The following CREB5 variants were observed in gnomAD, a reference collection of about 807,000 sequenced individuals.
The protein encoded by CREB5 is cyclic AMP-responsive element-binding protein 5.
In CREB5, 19 loss-of-function variants were observed where a neutral mutation model predicts 57.1. The ratio of observed to expected loss-of-function variants is 0.33; its 90% CI spans 0.23 to 0.49. The LOEUF (loss-of-function observed/expected upper bound fraction) is 0.49, where lower values mean the gene tolerates loss of function less well. Among genes scored for constraint, CREB5 ranks in the 20% least tolerant of loss-of-function variants. The probability of loss-of-function intolerance (pLI) is 0.99; values close to 1 mark genes in which losing one functional copy is unlikely to be tolerated. For synonymous variants in CREB5, 238 were observed against 238.3 expected, an observed-to-expected ratio of 1.00 and a Z score of 0.01; for missense variants, 579 against 671.6, an observed-to-expected ratio of 0.86 and a Z score of 1.52.
chr7:28,379,422 A>G (rs1786914361), intron 1 of CREB5, among the ~76,000 whole-genome samples: 1 of 152,322 alleles, frequency 6.6e-6, no homozygotes, highest in Non-Finnish European at 1.5e-5. Flanking sequence ...TGAGATATCC[A>G]TTTTGTTTTA....
intron 5 of CREB5, among the ~76,000 whole-genome samples, chr7:28,574,466 G>A (rs1795828473): frequency 6.6e-6 from 1 of 152,182 alleles, no homozygotes; most frequent in Non-Finnish European, 1.5e-5. Context: ...ATAATCCGTT[G>A]AGTAGATGGC....
intron 1 of CREB5, among the ~76,000 whole-genome samples, chr7:28,363,644 A>C (rs1005427418): frequency 6.6e-6 from 1 of 151,658 alleles, no homozygotes; most frequent in African/African-American, 2.4e-5. Flanking sequence ...CATCATACTC[A>C]TTTTTGTATC....
chr7:28,371,491 CAAAAAAAAAA>C (rs5883125), intron 1 of CREB5, among the ~76,000 whole-genome samples: 1 of 77,178 alleles, frequency 1.3e-5, no homozygotes, highest in Non-Finnish European at 2.6e-5. Context: ...TACTCCATCT[CAAAAAAAAAA>C]AAAAAAAAAA....
intron 4 of CREB5, among the ~76,000 whole-genome samples, chr7:28,538,763 C>T (rs1794084722): frequency 6.6e-6 from 1 of 152,072 alleles, no homozygotes; most frequent in Non-Finnish European, 1.5e-5. Flanking sequence ...ACAACTTTAG[C>T]TGTATCCCAC....
In CREB5 at chr7:28,412,776, G is replaced by A. The variant is rs901560301; in HGVS notation, c.-139G>A. On this transcript the variant is annotated 5_prime_UTR_variant, in exon 1 of 11. Transcript: ENST00000357727. ...AGCTAGTTTCACTATCTTCTGGTCT[G>A]AAATACTGAGGCAAATACTCAAGAC... 8 of 673,554 alleles carry A rather than the reference G, an allele frequency of 1.2e-5. No homozygotes were observed. The highest frequency in any genetic ancestry group is 1.6e-5 in the Non-Finnish European group (7 of 442,218). 41.7% of individuals were successfully genotyped at this position (673,554 alleles called of 1,614,324 possible).
At chr7:28,418,935 C>T (rs1788124038) in intron 1 of CREB5, among the ~76,000 whole-genome samples, 1 of 152,190 alleles carries the variant, frequency 6.6e-6, no homozygotes, top group Non-Finnish European at 1.5e-5. Context: ...AAATAACATT[C>T]TTTCGGGTGC....
At chr7:28,560,847 CGTGTGTGT>C (rs1284367626) in intron 4 of CREB5, among the ~76,000 whole-genome samples, 3 of 42,230 alleles carry the variant, frequency 7.1e-5, no homozygotes, top group Admixed American at 2.6e-4. Context: ...TGTGTGTGCG[CGTGTGTGT>C]GTGCGTGTGC....
At position 28,363,247 on chromosome 7, in the gene CREB5, T is replaced by C. The variant is rs142641783; in HGVS notation, c.-25+63806T>C. On this transcript the variant is annotated intron_variant, in intron 1 of 9. Coordinates refer to the CREB5 transcript ENST00000396299. The stretch of plus-strand genomic sequence containing the variant: ...TTTCTTCCCCTGTCTTTCCCTAACA[T>C]GGCAACACGAAGCAGGTGTTCTTGG... 3.7e-4 allele frequency among the ~76,000 whole-genome samples: 56 copies of C among 152,284 alleles called. No homozygotes were observed. In the East Asian group the frequency reaches 6.6e-3, roughly 18 times the overall value.
At chr7:28,525,072 C>T (rs1793390525) in intron 4 of CREB5, among the ~76,000 whole-genome samples, 1 of 151,244 alleles carries the variant, frequency 6.6e-6, no homozygotes, top group Admixed American at 6.6e-5. Flanking sequence ...TGAGTGAGAA[C>T]ACATGATATT....
intron 5 of CREB5, among the ~76,000 whole-genome samples, chr7:28,600,425 G>A (rs1015505643): frequency 1.4e-4 from 22 of 152,174 alleles, no homozygotes; most frequent in African/African-American, 5.3e-4. Context: ...AGTCTTTTTA[G>A]CATGGCTTTC....
At chr7:28,612,455 G>T (rs1797428148) in intron 5 of CREB5, among the ~76,000 whole-genome samples, 1 of 151,664 alleles carries the variant, frequency 6.6e-6, no homozygotes, top group Non-Finnish European at 1.5e-5. Flanking sequence ...CTGTGCTGAT[G>T]ATGTTGTTTA....
At chr7:28,560,025 T>C (rs1321670369) in intron 4 of CREB5, among the ~76,000 whole-genome samples, 3 of 152,202 alleles carry the variant, frequency 2.0e-5, no homozygotes, top group African/African-American at 7.2e-5. Flanking sequence ...AATAAGAGGA[T>C]GTCAGAGCAG....
intron 7 of CREB5, among the ~76,000 whole-genome samples, chr7:28,775,543 CAT>C (rs56224961): frequency 0.29 from 35,280 of 120,572 alleles, 6,008 homozygotes; most frequent in Non-Finnish European, 0.37. Flanking sequence ...ATTCCTTAGC[CAT>C]ATATATATAT....
intron 4 of CREB5, among the ~76,000 whole-genome samples, chr7:28,560,957 T>TGTGTGCGCGTGTGCGTGCGCGCGC (rs1562798107): frequency 2.3e-5 from 1 of 43,438 alleles, no homozygotes; most frequent in Non-Finnish European, 4.4e-5. Flanking sequence ...TGTGCGTGTG[T>TGTGTGCGCGTGTGCGTGCGCGCGC]GTGCGTGTGT....
intron 4 of CREB5, among the ~76,000 whole-genome samples, chr7:28,508,925 T>C (rs1245858411): frequency 6.6e-6 from 1 of 152,158 alleles, no homozygotes; most frequent in East Asian, 1.9e-4. Flanking sequence ...CTTTAAAAAA[T>C]TAACTTAATA....
chr7:28,462,695 T>C (rs1790398328), intron 1 of CREB5, among the ~76,000 whole-genome samples: 3 of 152,214 alleles, frequency 2.0e-5, no homozygotes, highest in Non-Finnish European at 4.4e-5. Context: ...TGTAGTTATT[T>C]ACCATTTGTA....
intron 7 of CREB5, among the ~76,000 whole-genome samples, chr7:28,794,821 G>T (rs1331149693): frequency 6.6e-6 from 1 of 152,128 alleles, no homozygotes; most frequent in East Asian, 1.9e-4. Context: ...CAATTCATCA[G>T]ATTTTGTTAA....
chr7:28,432,030 T>G (rs1432501026), intron 1 of CREB5, among the ~76,000 whole-genome samples: 2 of 150,138 alleles, frequency 1.3e-5, no homozygotes, highest in East Asian at 4.0e-4. Flanking sequence ...TCTGATCGAA[T>G]TAGCTATATT....
intron 5 of CREB5, among the ~76,000 whole-genome samples, chr7:28,637,084 G>A (rs937739616): frequency 6.6e-6 from 1 of 152,068 alleles, no homozygotes; most frequent in Admixed American, 6.6e-5. Context: ...AGCCCAGGAG[G>A]ATGAGGCTGC....
Sources: gnomAD v4.1 joint callset for allele counts (sites outside exome capture counted in the v4.1 genomes callset) on GRCh38, gnomAD v4.1.1 for gene constraint, MANE v1.5 for transcripts, NCBI Gene and HGNC (gene_info 2026-07-23, HGNC 2026-07-21) for gene names.